Variants in SOX5 observed in about 807,000 individuals in gnomAD.
SOX5 encodes SRY-box transcription factor 5.
Under a neutral mutation model 92.0 loss-of-function variants are expected in SOX5, and 9 were observed. The observed-to-expected ratio is 0.10, with a 90% CI of 0.06 to 0.17. The LOEUF (loss-of-function observed/expected upper bound fraction) is 0.17. SOX5 is among the 10% of genes least tolerant of loss of function. SOX5 has a pLI of 1.00. For synonymous variants in SOX5, 344 were observed against 336.3 expected (o/e 1.02, Z -0.25); for missense variants, 642 against 944.5 (o/e 0.68, Z 4.20).
At chr12:24,194,631 G>A (rs185401696) in intron 4 of SOX5, among the ~76,000 whole-genome samples, 203 of 152,140 alleles carry the variant, frequency 1.3e-3, no homozygotes, top group African/African-American at 4.8e-3. Flanking sequence ...TAGTCCATGA[G>A]CTTTTCAATG....
chr12:24,374,960 G>A (rs1957106025), intron 1 of SOX5, among the ~76,000 whole-genome samples: 1 of 152,052 alleles, frequency 6.6e-6, no homozygotes, highest in African/African-American at 2.4e-5. Flanking sequence ...CCTGAGAGTG[G>A]TGTCTCTTAT....
intron 1 of SOX5, among the ~76,000 whole-genome samples, chr12:23,929,243 C>T (rs571840885): frequency 6.6e-6 from 1 of 151,926 alleles, no homozygotes; most frequent in Admixed American, 6.6e-5. Flanking sequence ...CTAATATAAA[C>T]TCTGAAAGTA....
At chr12:23,841,290 A>G (rs966957877) in intron 3 of SOX5, among the ~76,000 whole-genome samples, 9 of 152,142 alleles carry the variant, frequency 5.9e-5, no homozygotes, top group African/African-American at 2.2e-4. Context: ...AATGAATAAA[A>G]TAAACTGACA....
intron 4 of SOX5, among the ~76,000 whole-genome samples, chr12:24,151,996 C>T (rs1178190609): frequency 6.6e-6 from 1 of 152,094 alleles, no homozygotes; most frequent in Non-Finnish European, 1.5e-5. Context: ...AAGAAAATGT[C>T]TCATTGAATT....
intron 7 of SOX5, among the ~76,000 whole-genome samples, chr12:23,657,279 A>G (rs909437770): frequency 1.3e-5 from 2 of 152,176 alleles, no homozygotes; most frequent in Non-Finnish European, 2.9e-5. Flanking sequence ...TTACGGAAGT[A>G]AAAAATATTC....
At chr12:23,920,391 T>C (rs996962378) in intron 1 of SOX5, 1 of 152,206 alleles carries the variant, frequency 6.6e-6, no homozygotes, top group East Asian at 1.9e-4. Flanking sequence ...ACAATCTTTA[T>C]GAAAATGTGG....
intron 3 of SOX5, among the ~76,000 whole-genome samples, chr12:23,834,237 A>T (rs2096377040): frequency 6.6e-6 from 1 of 151,874 alleles, no homozygotes; most frequent in Non-Finnish European, 1.5e-5. Flanking sequence ...AAAAACAAAG[A>T]GTGTTGAGAG....
intron 1 of SOX5, among the ~76,000 whole-genome samples, chr12:24,448,346 G>A (rs1313200588): frequency 6.6e-6 from 1 of 152,078 alleles, no homozygotes; most frequent in African/African-American, 2.4e-5. Flanking sequence ...TGTAGCATCG[G>A]GTGAAAATGG....
chr12:23,962,477 T>C (rs1947062862), intron 4 of SOX5, among the ~76,000 whole-genome samples: 1 of 151,966 alleles, frequency 6.6e-6, no homozygotes, highest in South Asian at 2.1e-4. Flanking sequence ...AAGGAACAAA[T>C]GAAGGCATAC....
chr12:24,490,714 C>G (rs77710726), intron 1 of SOX5, among the ~76,000 whole-genome samples: 3,518 of 152,156 alleles, frequency 0.023, 64 homozygotes, highest in Admixed American at 0.046. Context: ...GTTGGAGGCA[C>G]ATGAAGAGCT....
chr12:23,999,617 CA>C, intron 4 of SOX5, among the ~76,000 whole-genome samples: 1 of 151,932 alleles, frequency 6.6e-6, no homozygotes, highest in East Asian at 1.9e-4. Flanking sequence ...AGCTTAACAA[CA>C]ATTAATAAAA....
At chr12:23,668,646 C>T (rs1221049015) in intron 6 of SOX5, among the ~76,000 whole-genome samples, 1 of 152,116 alleles carries the variant, frequency 6.6e-6, no homozygotes, top group Non-Finnish European at 1.5e-5. Context: ...CTTTAAACCA[C>T]TCATTAAAGT....
At chr12:23,617,312 C>T (rs2076684254) in intron 8 of SOX5, among the ~76,000 whole-genome samples, 1 of 152,022 alleles carries the variant, frequency 6.6e-6, no homozygotes, top group African/African-American at 2.4e-5. Flanking sequence ...TTATGACCCA[C>T]ACTTCCTTGA....
chr12:23,711,197 A>G (rs1173524030), intron 6 of SOX5, among the ~76,000 whole-genome samples: 2 of 152,170 alleles, frequency 1.3e-5, no homozygotes, highest in Admixed American at 6.5e-5. Context: ...TTAGTTTGTC[A>G]CTTTAAGAAA....
chr12:23,970,841 A>ATATATATATATTTTTTTTTT lies in SOX5; in HGVS notation c.-1-74818_-1-74817insAAAAAAAAAATATATATATA. 1.8e-4 allele frequency among the ~76,000 whole-genome samples: 4 copies of ATATATATATATTTTTTTTTT among 21,878 alleles called. 1 individual carries two copies. Among genetic ancestry groups the ATATATATATATTTTTTTTTT allele is most frequent in the East Asian group, 1.7e-3 (2 of 1,156 alleles). The allele number at this position is 21,878 out of a possible 152,430, so 14.4% of individuals were successfully genotyped here. On this transcript the variant is annotated intron_variant, in intron 4 of 4. Coordinates refer to the SOX5 transcript ENST00000446891. ...ACATGGGACTTTATATATATATATAATTTTTTTTTTTTTTTAAGAAATGGG... is the reference window on the plus strand; with the variant it reads ...ACATGGGACTTTATATATATATATAATATATATATATTTTTTTTTTTTTTTTTTTTTTTTTAAGAAATGGG...
At chr12:23,850,936 C>G (rs2096626777) in intron 2 of SOX5, among the ~76,000 whole-genome samples, 1 of 152,182 alleles carries the variant, frequency 6.6e-6, no homozygotes. Context: ...TGAACCTCCC[C>G]TAGGAAATTC....
intron 4 of SOX5, among the ~76,000 whole-genome samples, chr12:24,204,289 GTATA>G (rs1365764237): frequency 1.3e-5 from 2 of 151,052 alleles, no homozygotes; most frequent in African/African-American, 4.9e-5. Context: ...ATAATCTTGG[GTATA>G]TAGTTTTATT....
chr12:23,661,845 T>A (rs532705667), intron 7 of SOX5, among the ~76,000 whole-genome samples: 1 of 152,270 alleles, frequency 6.6e-6, no homozygotes, highest in South Asian at 2.1e-4. Context: ...GTTACTTAGT[T>A]GTTCAAACTT....
At chr12:24,317,309 GAACAT>G (rs1220468359) in intron 2 of SOX5, among the ~76,000 whole-genome samples, 1 of 152,138 alleles carries the variant, frequency 6.6e-6, no homozygotes, top group Non-Finnish European at 1.5e-5. Context: ...GCAATTTTTT[GAACAT>G]AACAAATGTC....
Sources: gnomAD v4.1 joint callset for allele counts (sites outside exome capture counted in the v4.1 genomes callset) on GRCh38, gnomAD v4.1.1 for gene constraint, MANE v1.5 for transcripts, NCBI Gene and HGNC (gene_info 2026-07-23, HGNC 2026-07-21) for gene names.